Variants in TAFA2 observed in about 807,000 individuals in gnomAD.
TAFA2 encodes TAFA chemokine like family member 2.
In TAFA2, 7 loss-of-function variants were observed where a neutral mutation model predicts 18.8. The observed-to-expected ratio is 0.37, with a 90% CI of 0.21 to 0.70. The LOEUF (loss-of-function observed/expected upper bound fraction) is 0.70, where lower values mean the gene tolerates loss of function less well. Ranked by LOEUF, TAFA2 falls within the 30% of genes least tolerant of loss-of-function variation. The probability of loss-of-function intolerance (pLI) is 0.53; values close to 1 mark genes in which losing one functional copy is unlikely to be tolerated. For synonymous variants in TAFA2, 60 were observed against 54.2 expected (o/e 1.11, Z -0.47); for missense variants, 122 against 158.1 (o/e 0.77, Z 1.23).
chr12:61,898,585 T>C (rs1037745075), intron 1 of TAFA2, among the ~76,000 whole-genome samples: 5 of 152,178 alleles, frequency 3.3e-5, no homozygotes, highest in African/African-American at 1.2e-4. Context: ...ACACTCCAAG[T>C]GGTACCCTGG....
At chr12:61,875,360 T>G (rs1592452629) in intron 1 of TAFA2, among the ~76,000 whole-genome samples, 1 of 152,092 alleles carries the variant, frequency 6.6e-6, no homozygotes, top group African/African-American at 2.4e-5. Context: ...CCTCTCCTTA[T>G]CAATTGCTTA....
At chr12:61,797,342 C>T (rs538182208) in intron 2 of TAFA2, among the ~76,000 whole-genome samples, 10 of 151,952 alleles carry the variant, frequency 6.6e-5, no homozygotes, top group African/African-American at 2.4e-4. Flanking sequence ...GACTTCTGCT[C>T]CTTTGGAGAA....
intron 1 of TAFA2, among the ~76,000 whole-genome samples, chr12:62,031,488 T>A (rs1286478293): frequency 6.6e-6 from 1 of 151,662 alleles, no homozygotes; most frequent in Non-Finnish European, 1.5e-5. Context: ...CTCCCCTTTA[T>A]ATATATATAT....
At chr12:62,096,391 A>G (rs1868951244) in intron 1 of TAFA2, among the ~76,000 whole-genome samples, 1 of 152,164 alleles carries the variant, frequency 6.6e-6, no homozygotes, top group South Asian at 2.1e-4. Flanking sequence ...ACTGTTTAAA[A>G]AATCTGAGAT....
intron 1 of TAFA2, among the ~76,000 whole-genome samples, chr12:62,111,252 G>A (rs1043548999): frequency 2.6e-5 from 4 of 152,170 alleles, no homozygotes; most frequent in African/African-American, 9.7e-5. Context: ...TTACCCAGTA[G>A]TCATTCAGGA....
At chr12:61,898,101 G>C (rs925932888) in intron 1 of TAFA2, among the ~76,000 whole-genome samples, 3 of 152,236 alleles carry the variant, frequency 2.0e-5, no homozygotes. Flanking sequence ...TTCTAACCAT[G>C]TCTCACATCC....
chr12:62,157,864 T>C (rs569077904), intron 1 of TAFA2, among the ~76,000 whole-genome samples: 2 of 152,206 alleles, frequency 1.3e-5, no homozygotes, highest in Non-Finnish European at 2.9e-5. Context: ...CTGATTAGAC[T>C]ATAACCTCCA....
chr12:62,095,236 G>A (rs960703830), intron 1 of TAFA2, among the ~76,000 whole-genome samples: 11 of 152,224 alleles, frequency 7.2e-5, no homozygotes, highest in Admixed American at 2.6e-4. Flanking sequence ...TTGAGCATCA[G>A]GCACTGTGCT....
chr12:61,906,821 G>A (rs1240192657), intron 1 of TAFA2, among the ~76,000 whole-genome samples: 2 of 152,194 alleles, frequency 1.3e-5, no homozygotes, highest in Non-Finnish European at 2.9e-5. Flanking sequence ...CTGGAGTAAA[G>A]GTAATGCTTG....
chr12:61,744,523 T>G (rs998686615), intron 4 of TAFA2, among the ~76,000 whole-genome samples: 12 of 152,118 alleles, frequency 7.9e-5, no homozygotes, highest in African/African-American at 2.9e-4. Context: ...TTTAATTAAG[T>G]AATCAGCTCT....
chr12:62,185,800 T>C (rs1389715885), intron 1 of TAFA2, among the ~76,000 whole-genome samples: 1 of 152,248 alleles, frequency 6.6e-6, no homozygotes, highest in Non-Finnish European at 1.5e-5. Context: ...TATAATGCCC[T>C]ATTGTTTGTA....
At chr12:61,955,600 CAAAAAAAAAAAAAAAAA>C (rs869189343) in intron 1 of TAFA2, among the ~76,000 whole-genome samples, 42 of 38,910 alleles carry the variant, frequency 1.1e-3, no homozygotes, top group African/African-American at 4.8e-3. Context: ...GACTCCATCT[CAAAAAAAAAAAAAAAAA>C]AAAAAAAAAA....
intron 1 of TAFA2, among the ~76,000 whole-genome samples, chr12:62,199,648 T>A (rs1393746065): frequency 6.6e-6 from 1 of 152,078 alleles, no homozygotes; most frequent in African/African-American, 2.4e-5. Flanking sequence ...CTTTATCGAG[T>A]CTATCACTAG....
intron 2 of TAFA2, among the ~76,000 whole-genome samples, chr12:61,800,049 AT>A (rs1246002455): frequency 6.6e-6 from 1 of 152,184 alleles, no homozygotes; most frequent in African/African-American, 2.4e-5. Context: ...AATAACGGAC[AT>A]TTTTATATGA....
chr12:61,947,266 A>G (rs1878305122), intron 1 of TAFA2, among the ~76,000 whole-genome samples: 2 of 143,040 alleles, frequency 1.4e-5, no homozygotes, highest in South Asian at 4.7e-4. Context: ...ATGAGATCAC[A>G]TGGACACAGG....
intron 4 of TAFA2, among the ~76,000 whole-genome samples, chr12:61,738,054 T>G (rs76674668): frequency 6.6e-6 from 1 of 152,004 alleles, no homozygotes; most frequent in African/African-American, 2.4e-5. Context: ...ATTCCATTAA[T>G]AGGAATTATT....
intron 2 of TAFA2, among the ~76,000 whole-genome samples, chr12:61,821,371 GA>G (rs1872316955): frequency 6.6e-6 from 1 of 151,996 alleles, no homozygotes; most frequent in African/African-American, 2.4e-5. Context: ...GAAGAGGTTA[GA>G]AAACCAAGAC....
At chr12:61,897,910 A>G (rs1394957824) in intron 1 of TAFA2, among the ~76,000 whole-genome samples, 2 of 152,226 alleles carry the variant, frequency 1.3e-5, no homozygotes, top group Admixed American at 6.5e-5. Context: ...CCTTCCTCGT[A>G]GAAGCCTGTA....
chr12:61,851,274 T>C (rs1288617167), intron 2 of TAFA2, among the ~76,000 whole-genome samples: 1 of 152,098 alleles, frequency 6.6e-6, no homozygotes, highest in African/African-American at 2.4e-5. Context: ...GAGATAATAG[T>C]CATGAATAAT....
Sources: gnomAD v4.1 joint callset for allele counts (sites outside exome capture counted in the v4.1 genomes callset) on GRCh38, gnomAD v4.1.1 for gene constraint, MANE v1.5 for transcripts, NCBI Gene and HGNC (gene_info 2026-07-23, HGNC 2026-07-21) for gene names.